The following CEACAM18 variants were observed in gnomAD, a reference collection of about 807,000 sequenced individuals.
CEACAM18 encodes the protein cell adhesion molecule CEACAM18.
A neutral mutation model predicts 34.3 loss-of-function variants in CEACAM18; 33 were observed. The observed-to-expected ratio is 0.96, with a 90% CI of 0.73 to 1.29. CEACAM18 has a LOEUF of 1.29. Ranked by LOEUF, CEACAM18 falls within the 50% of genes most tolerant of loss-of-function variation. The pLI is 0.00. For synonymous variants in CEACAM18, 169 were observed against 180.9 expected (o/e 0.93, Z 0.53); for missense variants, 474 against 485.0 (o/e 0.98, Z 0.21).
rs543229593 is a variant in CEACAM18, at chr19:51,484,911, T to C, written c.954-76T>C. Reference sequence around the variant, plus strand: ...GACAAATCTTTGAAGAATGGATATGTGGGTGGGTGAAGAGATGAGTGAATG... The same window carrying C: ...GACAAATCTTTGAAGAATGGATATGCGGGTGGGTGAAGAGATGAGTGAATG... On this transcript the variant is annotated intron_variant, in intron 4 of 5. Transcript: ENST00000396477. The C allele has an allele frequency of 1.1e-5, 16 of 1,488,120 alleles. No homozygotes were observed. The African/African-American group carries it at 1.8e-4, about 17-fold the overall frequency. The allele number at this position is 1,488,120 out of a possible 1,614,324, so 92.2% of individuals were successfully genotyped here.
upstream of CEACAM18, chr19:51,478,579 G>A: frequency 7.0e-7 from 1 of 1,419,986 alleles, no homozygotes; most frequent in African/African-American, 1.4e-5. Context: ...AGGTCTTGGA[G>A]GGAGCAGAGG....
At chr19:51,487,718 G>A (rs993455435) in intron 5 of CEACAM18, among the ~76,000 whole-genome samples, 11 of 151,642 alleles carry the variant, frequency 7.3e-5, no homozygotes, top group African/African-American at 2.4e-4. Flanking sequence ...TTCAAGTGCA[G>A]GTTGCAGTGA....
Position 51,486,722 on chromosome 19 carries a change from TC to T in CEACAM18, c.1089+1601del, listed in dbSNP as rs201925296. On this transcript the variant is annotated intron_variant, in intron 5 of 5. Transcript: ENST00000396477. The stretch of plus-strand genomic sequence containing the variant: ...TTTTTCTTTCTTTCTTTCTTTTCTT[TC>T]TTTTTTTTTTTTTATATGGAGTCTC... 1.1e-3 allele frequency among the ~76,000 whole-genome samples: 151 copies of T among 138,026 alleles called. 2 individuals carry two copies. Among genetic ancestry groups the T allele is most frequent in the African/African-American group, 4.1e-3 (140 of 34,198 alleles). 90.6% of individuals were successfully genotyped at this position (138,026 alleles called of 152,430 possible).
exon 3 of CEACAM18, chr19:51,481,439 G>A: frequency 6.2e-7 from 1 of 1,614,002 alleles, no homozygotes; most frequent in Non-Finnish European, 8.5e-7. Flanking sequence ...GCTCCCTGGT[G>A]GAGAACATGG....
exon 6 of CEACAM18, chr19:51,490,785 C>G (rs938797032): frequency 4.5e-6 from 2 of 443,520 alleles, no homozygotes; most frequent in Non-Finnish European, 7.4e-6. Flanking sequence ...GATGGAGGCT[C>G]CAGTAGGAGG....
intron 2 of CEACAM18, 93 bp from the exon 3 acceptor site, chr19:51,481,298 TTC>T: frequency 1.5e-6 from 2 of 1,358,050 alleles, no homozygotes; most frequent in Non-Finnish European, 2.0e-6. Flanking sequence ...AGCTCTTGGC[TTC>T]TCTCCAACAT....
At chr19:51,480,829 A>T (rs1989902166) in intron 2 of CEACAM18, 149 bp downstream of exon 2, 2 of 729,956 alleles carry the variant, frequency 2.7e-6, no homozygotes, top group Non-Finnish European at 4.5e-6. Context: ...CTCCTGGGGG[A>T]TCTGAGGGCT....
rs1407660345 is a variant in CEACAM18 at position 51,481,743 on chromosome 19, G to A, written c.673+78G>A. On this transcript the variant is annotated intron_variant, in intron 3 of 5. Transcript: ENST00000396477. ...TAGGGATAGGAATATGTTAGGACAG[G>A]CTGAGCTGGAGAGAGGGGGCATCCT... is the stretch of plus-strand genomic sequence containing the variant. 4 of 1,460,792 alleles carry A rather than the reference G, an allele frequency of 2.7e-6. No homozygotes were observed. The African/African-American group carries it at 5.6e-5, about 20-fold the overall frequency. 90.5% of individuals were successfully genotyped at this position (1,460,792 alleles called of 1,614,324 possible). A position where few individuals can be genotyped will look rare whatever the true frequency, so the allele number is the denominator to read the frequency against.
At chr19:51,485,152 G>A in intron 5 of CEACAM18, 30 bp downstream of exon 5, 1 of 1,473,548 alleles carries the variant, frequency 6.8e-7, no homozygotes, top group Non-Finnish European at 9.0e-7. Flanking sequence ...ACAAGGGTGG[G>A]ATGTTGGCTG....
At chr19:51,488,884 A>C (rs1990044354) in intron 5 of CEACAM18, among the ~76,000 whole-genome samples, 1 of 152,070 alleles carries the variant, frequency 6.6e-6, no homozygotes, top group South Asian at 2.1e-4. Flanking sequence ...AAATATTAAA[A>C]ATTATATTTT....
At chr19:51,487,434 A>C (rs375783565) in intron 5 of CEACAM18, among the ~76,000 whole-genome samples, 251 of 152,248 alleles carry the variant, frequency 1.6e-3, no homozygotes, top group African/African-American at 5.9e-3. Context: ...AGATCGTGCC[A>C]CTGCACTCCA....
intron 1 of CEACAM18, among the ~76,000 whole-genome samples, chr19:51,479,874 G>T (rs540153406): frequency 2.7e-4 from 41 of 152,314 alleles, no homozygotes; most frequent in Non-Finnish European, 3.5e-4. Context: ...TGAGTAAAAG[G>T]TGCATAGTGG....
chr19:51,483,881 T>A (rs1326517263), intron 4 of CEACAM18, among the ~76,000 whole-genome samples: 1 of 152,184 alleles, frequency 6.6e-6, no homozygotes, highest in African/African-American at 2.4e-5. Context: ...GGAAAGCATC[T>A]TCTTAGCAAC....
intron 4 of CEACAM18, among the ~76,000 whole-genome samples, chr19:51,483,882 T>C (rs913497634): frequency 6.6e-6 from 1 of 152,140 alleles, no homozygotes; most frequent in African/African-American, 2.4e-5. Context: ...GAAAGCATCT[T>C]CTTAGCAACC....
exon 2 of CEACAM18, chr19:51,480,455 T>C (rs1207597579): frequency 6.2e-7 from 1 of 1,613,586 alleles, no homozygotes; most frequent in African/African-American, 1.3e-5. Flanking sequence ...TGTTCAGGAA[T>C]ACAGCTGGTA....
chr19:51,481,499 T>C (rs372559634), exon 3 of CEACAM18: 71 of 1,613,892 alleles, frequency 4.4e-5, no homozygotes, highest in Admixed American at 2.3e-4. Context: ...TCACGTGGTA[T>C]GTGAATGATG....
Position 51,485,346 on chromosome 19 carries a change from T to C in CEACAM18, c.1089+224T>C, listed in dbSNP as rs184429133. ...CATGGTTCTAAATAGCTGTGGGGTT[T>C]CTTCTAGCAACTTCCCTTCTCTTTG... On this transcript the variant is annotated intron_variant, in intron 5 of 5. Coordinates refer to ENST00000396477, the Ensembl canonical transcript of CEACAM18. 3.2e-3 allele frequency among the ~76,000 whole-genome samples: 480 copies of C among 152,310 alleles called. 2 individuals are homozygous for C. Among genetic ancestry groups the C allele is most frequent in the African/African-American group, 0.011 (455 of 41,566 alleles).
At chr19:51,484,877 A>G in intron 4 of CEACAM18, 110 bp from the exon 5 acceptor site, 1 of 1,332,828 alleles carries the variant, frequency 7.5e-7, no homozygotes, top group Non-Finnish European at 1.0e-6. Flanking sequence ...TTTGCTGATA[A>G]TAGATGTTGA....
intron 3 of CEACAM18, among the ~76,000 whole-genome samples, chr19:51,481,870 C>T (rs184307373): frequency 3.4e-4 from 52 of 152,194 alleles, no homozygotes; most frequent in African/African-American, 7.9e-4. Flanking sequence ...GTGGTACACT[C>T]GAGTTTGAAA....
Sources: gnomAD v4.1 joint callset for allele counts (sites outside exome capture counted in the v4.1 genomes callset) on GRCh38, gnomAD v4.1.1 for gene constraint, MANE v1.5 for transcripts, NCBI Gene and HGNC (gene_info 2026-07-23, HGNC 2026-07-21) for gene names.